Variants in STXBP5L observed in about 807,000 individuals in gnomAD.
The protein encoded by STXBP5L is syntaxin binding protein 5L.
STXBP5L carries 65 observed loss-of-function variants against 144.5 expected under a neutral mutation model. The ratio of observed to expected loss-of-function variants is 0.45; its 90% CI spans 0.37 to 0.55. STXBP5L has a LOEUF of 0.55. Ranked by LOEUF, STXBP5L falls within the 20% of genes least tolerant of loss-of-function variation. STXBP5L has a pLI of 0.00. For missense variants in STXBP5L, 1,298 were observed against 1,405.5 expected, an observed-to-expected ratio of 0.92 and a Z score of 1.22; for synonymous variants, 505 against 469.6, an observed-to-expected ratio of 1.08 and a Z score of -0.97.
chr3:121,363,748 G>T (rs1053074171), intron 20 of STXBP5L, among the ~76,000 whole-genome samples: 2 of 152,096 alleles, frequency 1.3e-5, no homozygotes, highest in Admixed American at 6.6e-5. Flanking sequence ...TCTTATGAAG[G>T]TGGGTTTTTT....
At chr3:121,089,583 G>C (rs1308230276) in intron 5 of STXBP5L, among the ~76,000 whole-genome samples, 2 of 151,508 alleles carry the variant, frequency 1.3e-5, no homozygotes, top group East Asian at 1.9e-4. Flanking sequence ...TGATTTGTCT[G>C]ACTGTTTATT....
chr3:121,329,985 A>T (rs2044273608), intron 20 of STXBP5L, among the ~76,000 whole-genome samples: 8 of 152,220 alleles, frequency 5.3e-5, no homozygotes, highest in Admixed American at 5.2e-4. Context: ...TTTGCATATT[A>T]AATATTTACT....
intron 20 of STXBP5L, among the ~76,000 whole-genome samples, chr3:121,347,206 G>C (rs1440807398): frequency 6.6e-6 from 1 of 152,130 alleles, no homozygotes; most frequent in Admixed American, 6.5e-5. Context: ...TTATTAAATA[G>C]GGAATCGTTT....
chr3:121,416,861 G>T (rs530823009), intron 25 of STXBP5L, among the ~76,000 whole-genome samples: 34 of 152,160 alleles, frequency 2.2e-4, no homozygotes, highest in Non-Finnish European at 4.1e-4. Flanking sequence ...CAGAGAGAAG[G>T]TATGAATATA....
chr3:121,380,596 T>C (rs1189367160), intron 21 of STXBP5L, among the ~76,000 whole-genome samples: 1 of 151,980 alleles, frequency 6.6e-6, no homozygotes, highest in Non-Finnish European at 1.5e-5. Context: ...CCATCCTGTT[T>C]TTTTTTTTAA....
At chr3:121,089,741 G>A (rs1047643507) in intron 5 of STXBP5L, among the ~76,000 whole-genome samples, 2 of 151,602 alleles carry the variant, frequency 1.3e-5, no homozygotes, top group South Asian at 4.2e-4. Context: ...TTGTCCCATA[G>A]GTTTCTGAAG....
At chr3:121,410,317 G>T (rs111261526) in intron 23 of STXBP5L, among the ~76,000 whole-genome samples, 2,204 of 151,942 alleles carry the variant, frequency 0.015, 49 homozygotes, top group African/African-American at 0.05. Flanking sequence ...TGGTTACTTT[G>T]ATATTGTGTC....
At chr3:121,076,642 CCT>C (rs999236868) in intron 5 of STXBP5L, among the ~76,000 whole-genome samples, 6 of 152,152 alleles carry the variant, frequency 3.9e-5, no homozygotes, top group Non-Finnish European at 7.3e-5. Context: ...CAATTATCTC[CCT>C]GTCTATTTTC....
chr3:120,985,362 G>A (rs1194174112), intron 3 of STXBP5L, among the ~76,000 whole-genome samples: 1 of 151,978 alleles, frequency 6.6e-6, no homozygotes, highest in Admixed American at 6.6e-5. Context: ...TGTATACATG[G>A]CAAAATGATT....
chr3:121,355,332 C>T (rs574624837), intron 20 of STXBP5L, among the ~76,000 whole-genome samples: 1 of 152,244 alleles, frequency 6.6e-6, no homozygotes, highest in South Asian at 2.1e-4. Context: ...ACCAATCAAA[C>T]TAGATTTAGT....
At chr3:121,373,259 G>A (rs1254946278) in intron 20 of STXBP5L, among the ~76,000 whole-genome samples, 1 of 152,206 alleles carries the variant, frequency 6.6e-6, no homozygotes, top group Non-Finnish European at 1.5e-5. Flanking sequence ...CAGGAGAAAC[G>A]GTAAGTGAGA....
chr3:120,978,437 T>C (rs1941346456), intron 3 of STXBP5L, among the ~76,000 whole-genome samples: 2 of 152,224 alleles, frequency 1.3e-5, no homozygotes, highest in Non-Finnish European at 2.9e-5. Context: ...ATTCTAGTTA[T>C]ACATTTGTCT....
intron 3 of STXBP5L, among the ~76,000 whole-genome samples, chr3:120,989,638 A>G (rs1488697120): frequency 6.6e-6 from 1 of 151,992 alleles, no homozygotes; most frequent in East Asian, 1.9e-4. Context: ...CTCGAATTTT[A>G]TGTTTCTGCA....
chr3:121,367,601 T>G (rs1165888450), intron 20 of STXBP5L, among the ~76,000 whole-genome samples: 1 of 138,332 alleles, frequency 7.2e-6, no homozygotes, highest in Non-Finnish European at 1.6e-5. Context: ...TCTTGTTTTT[T>G]TTTTTTTTTT....
intron 7 of STXBP5L, 136 bp from the exon 8 acceptor site, chr3:121,152,341 A>G: frequency 1.6e-6 from 1 of 624,276 alleles, no homozygotes; most frequent in Non-Finnish European, 2.6e-6. Context: ...GAAAACCTAT[A>G]TTCAAGTTCT....
At chr3:121,398,283 CCA>C (rs1176650135) in intron 22 of STXBP5L, among the ~76,000 whole-genome samples, 1 of 152,234 alleles carries the variant, frequency 6.6e-6, no homozygotes, top group Admixed American at 6.5e-5. Flanking sequence ...TGGCAAGGAT[CCA>C]CAGACTCCTG....
intron 7 of STXBP5L, among the ~76,000 whole-genome samples, chr3:121,134,932 G>T (rs1039184978): frequency 1.3e-5 from 2 of 152,088 alleles, no homozygotes; most frequent in African/African-American, 2.4e-5. Context: ...GTAATGGGAT[G>T]GCTGGGTCAA....
intron 19 of STXBP5L, among the ~76,000 whole-genome samples, chr3:121,310,347 A>T (rs1359615443): frequency 6.6e-6 from 1 of 151,732 alleles, no homozygotes. Context: ...ACAGTGGCTC[A>T]CGCCTGTACT....
intron 5 of STXBP5L, among the ~76,000 whole-genome samples, chr3:121,063,600 T>A (rs2041393852): frequency 6.6e-6 from 1 of 152,192 alleles, no homozygotes; most frequent in African/African-American, 2.4e-5. Flanking sequence ...CACCCGCTCC[T>A]TCCTCCAGGT....
Sources: gnomAD v4.1 joint callset for allele counts (sites outside exome capture counted in the v4.1 genomes callset) on GRCh38, gnomAD v4.1.1 for gene constraint, MANE v1.5 for transcripts, NCBI Gene and HGNC (gene_info 2026-07-23, HGNC 2026-07-21) for gene names.